Variants in ICA1 observed in about 807,000 individuals in gnomAD.
ICA1 encodes islet cell autoantigen 1.
A neutral mutation model predicts 71.0 loss-of-function variants in ICA1; 40 were observed. The observed-to-expected ratio is 0.56, with a 90% CI of 0.44 to 0.73. The LOEUF (loss-of-function observed/expected upper bound fraction) is 0.73, where lower values mean the gene tolerates loss of function less well. Ranked by LOEUF, ICA1 falls within the 30% of genes least tolerant of loss-of-function variation. ICA1 has a pLI of 0.00. For synonymous variants in ICA1, 207 were observed against 209.5 expected (o/e 0.99, Z 0.10); for missense variants, 578 against 576.5 (o/e 1.00, Z -0.03).
chr7:8,247,891 C>A (rs888650216), intron 1 of ICA1, among the ~76,000 whole-genome samples: 4 of 152,170 alleles, frequency 2.6e-5, no homozygotes, highest in African/African-American at 9.7e-5. Flanking sequence ...AGTAGTCATT[C>A]CACTATATTG....
intron 1 of ICA1, among the ~76,000 whole-genome samples, chr7:8,247,269 C>T (rs1269757415): frequency 6.6e-6 from 1 of 152,016 alleles, no homozygotes; most frequent in Non-Finnish European, 1.5e-5. Flanking sequence ...CTTGTGAACA[C>T]AGTGAACTCT....
chr7:8,163,955 T>A (rs1218490790), intron 6 of ICA1, among the ~76,000 whole-genome samples: 2 of 151,856 alleles, frequency 1.3e-5, no homozygotes, highest in African/African-American at 4.8e-5. Flanking sequence ...CTATTTTCAG[T>A]TTGAAAGATT....
chr7:8,229,270 C>T (rs1204402054), intron 3 of ICA1, among the ~76,000 whole-genome samples: 4 of 152,132 alleles, frequency 2.6e-5, no homozygotes, highest in African/African-American at 9.7e-5. Context: ...ATTTCATAAA[C>T]CATACAGAGA....
At chr7:8,129,432 T>G (rs931578575) in intron 12 of ICA1, among the ~76,000 whole-genome samples, 1 of 152,072 alleles carries the variant, frequency 6.6e-6, no homozygotes, top group Non-Finnish European at 1.5e-5. Flanking sequence ...AATCACACTT[T>G]ACATAAAGAT....
chr7:8,152,102 T>C (rs1027141414), intron 8 of ICA1, among the ~76,000 whole-genome samples: 2 of 152,124 alleles, frequency 1.3e-5, no homozygotes, highest in Non-Finnish European at 2.9e-5. Context: ...GGGAATTCTG[T>C]AAGCCCAGAC....
Position 8,145,764 on chromosome 7 carries a change from A to ATATATATATGTATATATATG in ICA1, c.805-1793_805-1792insCATATATATACATATATATA, listed in dbSNP as rs55971486. ...AATCATTGTGTATATATATATATAT[A>ATATATATATGTATATATATG]TATGTATATAAAATATATAGAGAGA... On this transcript the variant is annotated intron_variant, in intron 8 of 13. Coordinates refer to ENST00000402384, the MANE Select transcript of ICA1 (RefSeq NM_001136020.3). 3.5e-3 allele frequency among the ~76,000 whole-genome samples: 481 copies of ATATATATATGTATATATATG among 136,284 alleles called. 11 individuals are homozygous for ATATATATATGTATATATATG. Among genetic ancestry groups the ATATATATATGTATATATATG allele is most frequent in the African/African-American group, 0.012 (450 of 38,312 alleles). 89.4% of individuals were successfully genotyped at this position (136,284 alleles called of 152,430 possible).
At chr7:8,157,303 A>T in intron 7 of ICA1, 89 bp from the exon 8 acceptor site, 1 of 1,218,060 alleles carries the variant, frequency 8.2e-7, no homozygotes, top group Non-Finnish European at 1.1e-6. Flanking sequence ...TGTAGCTTTG[A>T]AGATTCTTTA....
Position 8,143,322 on chromosome 7 carries a change from C to G in ICA1, c.902+553G>C, listed in dbSNP as rs76294993. ...GGGCATGAAATGGAGATGGAGCAGTCATTTCCTGTACTTGAAGCTGTTCTC... is the reference window on the plus strand; with the variant it reads ...GGGCATGAAATGGAGATGGAGCAGTGATTTCCTGTACTTGAAGCTGTTCTC... On this transcript the variant is annotated intron_variant, in intron 9 of 13. Coordinates refer to ENST00000402384, the MANE Select transcript of ICA1 (RefSeq NM_001136020.3). Among the ~76,000 whole-genome samples the G allele has an allele frequency of 5.7e-3, 875 of 152,342 alleles. 7 individuals carry two copies. The highest frequency in any genetic ancestry group is 0.018 in the African/African-American group (763 of 41,564).
intron 13 of ICA1, among the ~76,000 whole-genome samples, chr7:8,116,970 T>C (rs1009503366): frequency 6.6e-6 from 1 of 152,194 alleles, no homozygotes; most frequent in African/African-American, 2.4e-5. Context: ...GTAATCCCCA[T>C]GATCCCCATA....
intron 12 of ICA1, among the ~76,000 whole-genome samples, chr7:8,131,305 CT>C (rs1445349390): frequency 6.6e-6 from 1 of 152,178 alleles, no homozygotes. Flanking sequence ...TCAATACATT[CT>C]TTTTTGCTTT....
chr7:8,218,693 T>A, intron 5 of ICA1, 190 bp from the exon 6 acceptor site: 1 of 611,480 alleles, frequency 1.6e-6, no homozygotes, highest in Non-Finnish European at 2.9e-6. Context: ...GAGAAGATTA[T>A]CCATGTACCC....
At chr7:8,177,793 T>C (rs1188432832) in intron 6 of ICA1, among the ~76,000 whole-genome samples, 2 of 152,156 alleles carry the variant, frequency 1.3e-5, no homozygotes, top group African/African-American at 2.4e-5. Context: ...GTTAGGGAGA[T>C]AGTATTTATT....
chr7:8,155,169 T>C (rs956221397), intron 8 of ICA1, among the ~76,000 whole-genome samples: 5 of 152,216 alleles, frequency 3.3e-5, no homozygotes, highest in African/African-American at 1.2e-4. Flanking sequence ...ATAACATCAT[T>C]ATACCCTAAC....
intron 6 of ICA1, among the ~76,000 whole-genome samples, chr7:8,174,807 A>G (rs2058517): frequency 0.29 from 43,069 of 149,900 alleles, 7,767 homozygotes; most frequent in African/African-American, 0.5. Flanking sequence ...GAGACAATTC[A>G]TACTCTTTAA....
At chr7:8,187,679 A>G (rs1784319904) in intron 6 of ICA1, among the ~76,000 whole-genome samples, 1 of 152,216 alleles carries the variant, frequency 6.6e-6, no homozygotes, top group African/African-American at 2.4e-5. Flanking sequence ...TCTTGTCATA[A>G]AGCACAAACA....
At chr7:8,199,878 G>A (rs543220407) in intron 6 of ICA1, among the ~76,000 whole-genome samples, 37 of 152,268 alleles carry the variant, frequency 2.4e-4, no homozygotes, top group African/African-American at 8.9e-4. Flanking sequence ...AACTCATGGA[G>A]ACAGAGAGTA....
chr7:8,140,085 G>C (rs531477670), intron 10 of ICA1, among the ~76,000 whole-genome samples: 1 of 152,172 alleles, frequency 6.6e-6, no homozygotes, highest in Non-Finnish European at 1.5e-5. Flanking sequence ...GTCACATATT[G>C]TATGAATATA....
intron 4 of ICA1, chr7:8,227,863 G>C (rs1799104132): frequency 4.4e-6 from 2 of 451,748 alleles, no homozygotes; most frequent in Admixed American, 2.4e-5. Context: ...TGGGATTACA[G>C]ATGTCAGACA....
rs1235996766 is a variant in ICA1, at chr7:8,223,837, C to G, written c.257-2439G>C. Among the ~76,000 whole-genome samples, 1 of 152,152 alleles carries G rather than the reference C, an allele frequency of 6.6e-6. No individual in the cohort carries two copies. The highest frequency in any genetic ancestry group is 1.5e-5 in the Non-Finnish European group (1 of 68,024). On this transcript the variant is annotated intron_variant, in intron 4 of 13. Transcript: ENST00000402384. The surrounding 1 kb of genome is among the most constrained non-coding windows in gnomAD (Gnocchi z 4.1). ...TTAATAAGGTTTCAATTATCTGGGA[C>G]TTGAGAATTCAGAGACAAAAACATT...
Sources: gnomAD v4.1 joint callset for allele counts (sites outside exome capture counted in the v4.1 genomes callset) on GRCh38, gnomAD v4.1.1 for gene constraint, Gnocchi (gnomAD v3.1) non-coding constraint, MANE v1.5 for transcripts, NCBI Gene and HGNC (gene_info 2026-07-23, HGNC 2026-07-21) for gene names.